FRMD3: variants seen among roughly 807,000 people sequenced by gnomAD.
FRMD3 encodes FERM domain-containing protein 3.
In FRMD3, 33 loss-of-function variants were observed where a neutral mutation model predicts 70.2. That is an observed-to-expected ratio of 0.47 (90% CI 0.36 to 0.63). The LOEUF is 0.63. FRMD3 is among the 20% of genes least tolerant of loss of function. The probability of loss-of-function intolerance (pLI) is 0.00; values close to 1 mark genes in which losing one functional copy is unlikely to be tolerated. For missense variants in FRMD3, 632 were observed against 711.4 expected, an observed-to-expected ratio of 0.89 and a Z score of 1.27; for synonymous variants, 279 against 255.9, an observed-to-expected ratio of 1.09 and a Z score of -0.86.
At chr9:83,554,839 C>T in the FRMD3 span, among the ~76,000 whole-genome samples, 3 of 152,248 alleles carry the variant, frequency 2.0e-5, no homozygotes, top group South Asian at 6.2e-4. Context: ...GGATCAGGCA[C>T]CCACGTCACA....
intron 2 of FRMD3, among the ~76,000 whole-genome samples, chr9:83,381,885 G>A (rs1587797924): frequency 6.6e-6 from 1 of 152,112 alleles, no homozygotes; most frequent in Non-Finnish European, 1.5e-5. Flanking sequence ...GAGCATGAAA[G>A]CAGCTGCAGA....
At chr9:83,272,687 G>T (rs896751328) in intron 13 of FRMD3, among the ~76,000 whole-genome samples, 6 of 120,432 alleles carry the variant, frequency 5.0e-5, no homozygotes, top group African/African-American at 2.2e-4. Context: ...CCCAGTCTGG[G>T]AAGTGAGGAG....
chr9:83,310,622 A>C, intron 8 of FRMD3, 74 bp from the exon 9 acceptor site: 1 of 1,142,038 alleles, frequency 8.8e-7, no homozygotes, highest in Non-Finnish European at 1.3e-6. Flanking sequence ...TCCCATAGGA[A>C]TCTGACTCAA....
At chr9:83,518,346 T>C (rs895561183) in intron 1 of FRMD3, among the ~76,000 whole-genome samples, 4 of 151,948 alleles carry the variant, frequency 2.6e-5, no homozygotes, top group Admixed American at 1.3e-4. Context: ...ACACCAATAA[T>C]AGACAAACTG....
chr9:83,436,148 G>A (rs756991607), intron 1 of FRMD3, among the ~76,000 whole-genome samples: 11 of 151,974 alleles, frequency 7.2e-5, no homozygotes, highest in African/African-American at 1.9e-4. Context: ...TCCTCATCCC[G>A]GCAATCCCTC....
downstream of FRMD3, among the ~76,000 whole-genome samples, chr9:83,244,318 A>G (rs1365281660): frequency 7.5e-5 from 9 of 119,600 alleles, no homozygotes; most frequent in East Asian, 3.0e-3. Flanking sequence ...CCTATCTGTC[A>G]GTCAGAATAC....
intron 1 of FRMD3, among the ~76,000 whole-genome samples, chr9:83,517,494 C>CAAAAAAAAAAAAAAAAAAA (rs59178344): frequency 1.5e-5 from 1 of 65,524 alleles, no homozygotes; most frequent in Non-Finnish European, 2.7e-5. Context: ...CCTACCAATC[C>CAAAAAAAAAAAAAAAAAAA]AAAAAAAAAA....
At chr9:83,361,737 T>C (rs1428906702) in intron 3 of FRMD3, among the ~76,000 whole-genome samples, 1 of 152,092 alleles carries the variant, frequency 6.6e-6, no homozygotes, top group Admixed American at 6.6e-5. Context: ...GGTCCCTAAA[T>C]CCATTGACTG....
intron 1 of FRMD3, among the ~76,000 whole-genome samples, chr9:83,528,376 G>T (rs1165991050): frequency 6.6e-6 from 1 of 150,416 alleles, no homozygotes; most frequent in Non-Finnish European, 1.5e-5. Context: ...CTGTGAACAT[G>T]CAGTGTTTTT....
intron 3 of FRMD3, among the ~76,000 whole-genome samples, chr9:83,350,062 C>G (rs1208495767): frequency 6.6e-6 from 1 of 152,150 alleles, no homozygotes; most frequent in East Asian, 1.9e-4. Flanking sequence ...GCACACAGCT[C>G]CAGAGAACAC....
chr9:83,365,553 G>C (rs1346776057), intron 3 of FRMD3, among the ~76,000 whole-genome samples: 1 of 151,868 alleles, frequency 6.6e-6, no homozygotes, highest in East Asian at 1.9e-4. Flanking sequence ...GCATGGCTAG[G>C]GAAGGCAAGT....
intron 9 of FRMD3, 71 bp downstream of exon 9, chr9:83,310,414 G>T: frequency 8.5e-7 from 1 of 1,175,488 alleles, no homozygotes; most frequent in Non-Finnish European, 1.3e-6. Context: ...CAATACTAAA[G>T]GCATATTTTA....
the FRMD3 span, among the ~76,000 whole-genome samples, chr9:83,549,517 A>G: frequency 6.6e-6 from 1 of 152,020 alleles, no homozygotes; most frequent in Non-Finnish European, 1.5e-5. Context: ...TCTTTGAGGG[A>G]TCACTATACT....
At chr9:83,469,912 G>T (rs138471520) in intron 1 of FRMD3, among the ~76,000 whole-genome samples, 4 of 152,170 alleles carry the variant, frequency 2.6e-5, no homozygotes, top group African/African-American at 7.2e-5. Flanking sequence ...AAACTCTTAC[G>T]CACGTTTGAA....
At chr9:83,507,440 G>A (rs966105909) in intron 1 of FRMD3, among the ~76,000 whole-genome samples, 2 of 149,420 alleles carry the variant, frequency 1.3e-5, no homozygotes, top group African/African-American at 4.9e-5. Context: ...GGCCGAGGCG[G>A]GTGGATCACA....
At chr9:83,243,048 T>A, downstream of FRMD3, 2 of 707,730 alleles carry the variant, frequency 2.8e-6, no homozygotes, top group South Asian at 1.7e-5. Context: ...ATCTGAGGCC[T>A]AAGCAAGGTT....
At position 83,469,851 on chromosome 9, in the gene FRMD3, T is replaced by C. The variant is rs116260514; in HGVS notation, c.147+68234A>G. ...AATGAGAGATCTCAGAAAACTAAGA[T>C]GGGGGGCGGGGAGAAAGCCCGCAGG... On this transcript the variant is annotated intron_variant, in intron 1 of 13. Coordinates refer to ENST00000304195, the MANE Select transcript of FRMD3 (RefSeq NM_174938.6). Among the ~76,000 whole-genome samples the C allele has an allele frequency of 3.0e-3, 460 of 152,186 alleles. 1 individual carries two copies. Among genetic ancestry groups the C allele is most frequent in the African/African-American group, 0.011 (449 of 41,542 alleles).
At chr9:83,578,442 G>A in the FRMD3 span, among the ~76,000 whole-genome samples, 5 of 151,748 alleles carry the variant, frequency 3.3e-5, no homozygotes, top group African/African-American at 1.2e-4. Flanking sequence ...AAAATACTAG[G>A]AAATTCAATC....
At chr9:83,530,338 T>C (rs1829768669) in intron 1 of FRMD3, among the ~76,000 whole-genome samples, 1 of 152,224 alleles carries the variant, frequency 6.6e-6, no homozygotes, top group Non-Finnish European at 1.5e-5. Context: ...CATGCTACAA[T>C]ATGGATAAAC....
Sources: gnomAD v4.1 joint callset for allele counts (sites outside exome capture counted in the v4.1 genomes callset) on GRCh38, gnomAD v4.1.1 for gene constraint, MANE v1.5 for transcripts, NCBI Gene and HGNC (gene_info 2026-07-23, HGNC 2026-07-21) for gene names.